The following SPIN1 variants were observed in gnomAD, a reference collection of about 807,000 sequenced individuals.
SPIN1 encodes spindlin-1.
SPIN1 carries 3 observed loss-of-function variants against 26.0 expected under a neutral mutation model. The observed-to-expected ratio is 0.12, with a 90% CI of 0.05 to 0.30. The LOEUF (loss-of-function observed/expected upper bound fraction) is 0.30, where lower values mean the gene tolerates loss of function less well. Ranked by LOEUF, SPIN1 falls within the 10% of genes least tolerant of loss-of-function variation. The pLI is 1.00. For synonymous variants in SPIN1, 101 were observed against 116.5 expected (o/e 0.87, Z 0.86); for missense variants, 126 against 333.4 (o/e 0.38, Z 4.84).
intron 2 of SPIN1, among the ~76,000 whole-genome samples, chr9:88,443,584 TTC>T (rs976264549): frequency 4.6e-5 from 7 of 152,242 alleles, no homozygotes; most frequent in African/African-American, 1.7e-4. Context: ...GATGCTTGTT[TTC>T]TCTGTTAATA....
rs115007563 is a variant in SPIN1, at chr9:88,454,615, A to G, written c.101+5626A>G. On this transcript the variant is annotated intron_variant, in intron 3 of 5. Coordinates refer to ENST00000375859, the MANE Select transcript of SPIN1 (RefSeq NM_006717.3). ...GGAAATTTTAAATATACATAAAAAT[A>G]TAGAGTAGTGTATCATAAATCTTGG... Among the ~76,000 whole-genome samples, 1,017 of 152,364 alleles carry G rather than the reference A, an allele frequency of 6.7e-3. 7 individuals are homozygous for G. Among genetic ancestry groups the G allele is most frequent in the African/African-American group, 0.023 (946 of 41,592 alleles).
chr9:88,405,536 C>CTTTTTTT lies in SPIN1; in HGVS notation c.-159+17012_-159+17018dup, dbSNP rs757565862. On this transcript the variant is annotated intron_variant, in intron 1 of 5. Transcript: ENST00000375859. The stretch of plus-strand genomic sequence containing the variant: ...GCCACAGTGCCTGGCCTGTACTATC[C>CTTTTTTT]TTTTTTTTTTTTTTTTTTTTCCCTG... Among the ~76,000 whole-genome samples, 50 of 110,730 alleles carry CTTTTTTT rather than the reference C, an allele frequency of 4.5e-4. 1 individual carries two copies. The highest frequency in any genetic ancestry group is 1.8e-3 in the African/African-American group (45 of 24,514). 72.6% of individuals were successfully genotyped at this position (110,730 alleles called of 152,430 possible).
chr9:88,447,518 C>G (rs539974404), intron 2 of SPIN1, among the ~76,000 whole-genome samples: 2 of 152,136 alleles, frequency 1.3e-5, no homozygotes, highest in African/African-American at 4.8e-5. Context: ...TCCAGGCTTC[C>G]TCACATTTCC....
intron 1 of SPIN1, among the ~76,000 whole-genome samples, chr9:88,398,068 A>G (rs561584293): frequency 1.3e-5 from 2 of 148,168 alleles, no homozygotes; most frequent in South Asian, 4.4e-4. Flanking sequence ...GACTACAGGC[A>G]TGTGCCACCA....
Position 88,474,574 on chromosome 9 carries a change from A to G in SPIN1, c.590-504A>G, listed in dbSNP as rs997463114. On this transcript the variant is annotated intron_variant, in intron 5 of 5. Transcript: ENST00000375859. ...TTTAAGGATTCACAGAGTAAAACCA[A>G]TGGTACTTAGGCATTTTAAATGTGT... Among the ~76,000 whole-genome samples, 8 of 152,210 alleles carry G rather than the reference A, an allele frequency of 5.3e-5. No homozygotes were observed. In the South Asian group the frequency reaches 6.2e-4, roughly 12 times the overall value.
At chr9:88,415,505 TCCCAGGCTTAAGTGATCCTCCCAC>T (rs1354082234) in intron 1 of SPIN1, 1 of 152,134 alleles carries the variant, frequency 6.6e-6, no homozygotes, top group Non-Finnish European at 1.5e-5. Context: ...AACCTCTGTT[TCCCAGGCTTAAGTGATCCTCCCAC>T]CCCAGCCTCC....
At chr9:88,452,536 T>C (rs985443191) in intron 3 of SPIN1, among the ~76,000 whole-genome samples, 2 of 152,238 alleles carry the variant, frequency 1.3e-5, no homozygotes, top group African/African-American at 4.8e-5. Context: ...AAGTCATTCA[T>C]GCCAGCAATG....
At chr9:88,409,968 C>A (rs1206946769) in intron 1 of SPIN1, among the ~76,000 whole-genome samples, 6 of 152,064 alleles carry the variant, frequency 3.9e-5, no homozygotes, top group African/African-American at 1.5e-4. Flanking sequence ...CCTGTAACCC[C>A]CTTTGGTATT....
chr9:88,408,042 C>CT (rs1827346043), intron 1 of SPIN1, among the ~76,000 whole-genome samples: 1 of 151,948 alleles, frequency 6.6e-6, no homozygotes, highest in Non-Finnish European at 1.5e-5. Context: ...GCTGGGATTA[C>CT]AGGTGCAAGC....
intron 1 of SPIN1, among the ~76,000 whole-genome samples, chr9:88,423,194 G>T (rs1382557461): frequency 1.3e-5 from 2 of 152,182 alleles, no homozygotes; most frequent in Admixed American, 1.3e-4. Flanking sequence ...GCTTAAATCT[G>T]ATAGGAGGGT....
At chr9:88,426,064 C>G (rs1304486945) in intron 1 of SPIN1, among the ~76,000 whole-genome samples, 2 of 152,176 alleles carry the variant, frequency 1.3e-5, no homozygotes, top group Non-Finnish European at 2.9e-5. Flanking sequence ...TTTCTGATTT[C>G]TAGCAGCAGG....
intron 4 of SPIN1, among the ~76,000 whole-genome samples, chr9:88,466,067 G>A (rs1828661777): frequency 6.6e-6 from 1 of 152,158 alleles, no homozygotes; most frequent in Non-Finnish European, 1.5e-5. Context: ...AATGTTTCTA[G>A]ATTTGTTTTT....
chr9:88,472,641 C>T (rs1174246750), intron 5 of SPIN1, among the ~76,000 whole-genome samples: 4 of 151,876 alleles, frequency 2.6e-5, no homozygotes, highest in Non-Finnish European at 4.4e-5. Context: ...TACAGGCACA[C>T]GCCACCACGC....
intron 5 of SPIN1, among the ~76,000 whole-genome samples, chr9:88,469,259 A>G (rs1828731411): frequency 6.6e-6 from 1 of 152,216 alleles, no homozygotes; most frequent in African/African-American, 2.4e-5. Context: ...CAGGAGGCAG[A>G]GCTCAGACGG....
At chr9:88,415,912 T>TA (rs1827553080) in intron 1 of SPIN1, among the ~76,000 whole-genome samples, 1 of 86,764 alleles carries the variant, frequency 1.2e-5, no homozygotes, top group African/African-American at 1.3e-4. Context: ...CTCGGCTAAT[T>TA]TTTTTTTTTT....
At chr9:88,424,760 A>G (rs1046123283) in intron 1 of SPIN1, among the ~76,000 whole-genome samples, 2 of 152,144 alleles carry the variant, frequency 1.3e-5, no homozygotes, top group Non-Finnish European at 2.9e-5. Flanking sequence ...AGACTGTGAG[A>G]ATAGATGAAG....
intron 5 of SPIN1, among the ~76,000 whole-genome samples, chr9:88,469,092 T>C (rs1452324342): frequency 6.6e-6 from 1 of 152,200 alleles, no homozygotes; most frequent in Non-Finnish European, 1.5e-5. Flanking sequence ...ACCAGTTTCA[T>C]GGAAGACAGT....
chr9:88,454,130 G>A (rs1281318039), intron 3 of SPIN1, among the ~76,000 whole-genome samples: 2 of 152,174 alleles, frequency 1.3e-5, no homozygotes, highest in Non-Finnish European at 2.9e-5. Flanking sequence ...TAGGTTGAAT[G>A]AAGTATCTTG....
chr9:88,418,207 G>C (rs1280337876), intron 1 of SPIN1, among the ~76,000 whole-genome samples: 1 of 152,112 alleles, frequency 6.6e-6, no homozygotes, highest in African/African-American at 2.4e-5. Flanking sequence ...CTAACCACTG[G>C]TGGGGTTCCC....
Sources: allele counts gnomAD v4.1 joint callset (sites outside exome capture counted in the v4.1 genomes callset), GRCh38; gene constraint gnomAD v4.1.1; transcripts MANE v1.5; gene names NCBI Gene and HGNC (gene_info 2026-07-23, HGNC 2026-07-21).